MATR3: variants seen among roughly 807,000 people sequenced by gnomAD.
MATR3 encodes the protein matrin-3.
Under a neutral mutation model 85.5 loss-of-function variants are expected in MATR3, and 4 were observed. The observed-to-expected ratio is 0.05, with a 90% CI of 0.02 to 0.11. The LOEUF (loss-of-function observed/expected upper bound fraction) is 0.11. Ranked by LOEUF, MATR3 falls within the 10% of genes least tolerant of loss-of-function variation. The pLI, the probability that MATR3 is intolerant of heterozygous loss-of-function variation, is 1.00. For missense variants in MATR3, 685 were observed against 1,016.1 expected (o/e 0.67, Z 4.43); for synonymous variants, 336 against 343.1 (o/e 0.98, Z 0.23).
At chr5:139,309,751 A>G (rs914503568) in intron 2 of MATR3, among the ~76,000 whole-genome samples, 2 of 152,128 alleles carry the variant, frequency 1.3e-5, no homozygotes, top group Non-Finnish European at 2.9e-5. Flanking sequence ...TAAATATATC[A>G]TGGAATTCAT....
chr5:139,288,264 T>C (rs1753769608), intron 3 of MATR3, among the ~76,000 whole-genome samples: 1 of 151,908 alleles, frequency 6.6e-6, no homozygotes, highest in African/African-American at 2.4e-5. Flanking sequence ...TTTGTGTCTT[T>C]TTGCTGATAA....
At chr5:139,306,363 T>A (rs79195651) in intron 1 of MATR3, among the ~76,000 whole-genome samples, 2,723 of 152,304 alleles carry the variant, frequency 0.018, 79 homozygotes, top group African/African-American at 0.061. Context: ...GATCTCATTT[T>A]CATTTTTACC....
chr5:139,311,806 G>C (rs1283267925), intron 2 of MATR3: 3 of 111,074 alleles, frequency 2.7e-5, no homozygotes, highest in Non-Finnish European at 5.0e-5. Context: ...CTCGCTCTGT[G>C]TCCCAGGCTG....
chr5:139,316,246 T>C, intron 5 of MATR3, 58 bp downstream of exon 5: 1 of 1,309,510 alleles, frequency 7.6e-7, no homozygotes, highest in Non-Finnish European at 1.1e-6. Flanking sequence ...AAAATTTTTC[T>C]TTTTATTTAT....
At chr5:139,275,105 A>AAC (rs1284292698) in intron 1 of MATR3, among the ~76,000 whole-genome samples, 1 of 148,926 alleles carries the variant, frequency 6.7e-6, no homozygotes, top group Non-Finnish European at 1.5e-5. Flanking sequence ...CATCCCGAGT[A>AAC]ACAGGGACTA....
chr5:139,327,276 T>C (rs1280167026), intron 14 of MATR3, among the ~76,000 whole-genome samples: 2 of 152,002 alleles, frequency 1.3e-5, no homozygotes, highest in African/African-American at 4.8e-5. Flanking sequence ...TTGGAAATAA[T>C]TCAAGTTCTT....
Position 139,330,338 on chromosome 5 carries a change from A to G in MATR3, c.*943A>G, listed in dbSNP as rs77010866. On this transcript the variant is annotated 3_prime_UTR_variant, in exon 15 of 15. Transcript: ENST00000394805. Reference sequence around the variant, plus strand: ...TGTGTTTACTTGTAACTTTCTGGTTATATACTGCTTATATCTGTGGATTCA... The same window carrying G: ...TGTGTTTACTTGTAACTTTCTGGTTGTATACTGCTTATATCTGTGGATTCA... 1.5e-5 allele frequency: 7 copies of G among 454,300 alleles called. No individual in the cohort carries two copies. The highest frequency in any genetic ancestry group is 2.4e-5 in the Admixed American group (1 of 42,524). 28.1% of individuals were successfully genotyped at this position (454,300 alleles called of 1,614,324 possible). A position where few individuals can be genotyped will look rare whatever the true frequency, so the allele number is the denominator to read the frequency against.
chr5:139,329,858 T>G lies in MATR3; in HGVS notation c.*463T>G, dbSNP rs552815510. ...TTTCATTTGGAGTTTGAACCCGTTTTGGTTGCATTTCATTTTTGGAGAACT... is the reference window on the plus strand; with the variant it reads ...TTTCATTTGGAGTTTGAACCCGTTTGGGTTGCATTTCATTTTTGGAGAACT... On this transcript the variant is annotated 3_prime_UTR_variant, in exon 15 of 15. Transcript: ENST00000394805. 3 of 454,594 alleles carry G rather than the reference T, an allele frequency of 6.6e-6. No individual in the cohort carries two copies. The East Asian group carries it at 2.1e-4, about 32-fold the overall frequency. 28.2% of individuals were successfully genotyped at this position (454,594 alleles called of 1,614,324 possible).
At chr5:139,329,119 C>T (rs1350533467) in intron 14 of MATR3, among the ~76,000 whole-genome samples, 2 of 152,108 alleles carry the variant, frequency 1.3e-5, no homozygotes, top group Admixed American at 6.6e-5. Context: ...TTAATTATAA[C>T]ATTTGAAATA....
chr5:139,303,593 G>A (rs975263840), intron 1 of MATR3, among the ~76,000 whole-genome samples: 2 of 152,140 alleles, frequency 1.3e-5, no homozygotes, highest in African/African-American at 4.8e-5. Flanking sequence ...AACTAGCCGA[G>A]CATGGTGGCA....
chr5:139,318,649 G>T (rs762142370), intron 7 of MATR3, among the ~76,000 whole-genome samples: 1 of 152,182 alleles, frequency 6.6e-6, no homozygotes, highest in Admixed American at 6.5e-5. Context: ...CACCATGTTG[G>T]TCGGCCAGGA....
rs1359297142 is a variant in MATR3, at chr5:139,330,905, C to T, written c.*1510C>T. The T allele has an allele frequency of 4.4e-6, 2 of 453,836 alleles. No homozygotes were observed. The highest frequency in any genetic ancestry group is 8.8e-6 in the Non-Finnish European group (2 of 226,738). The allele number at this position is 453,836 out of a possible 1,614,324, so 28.1% of individuals were successfully genotyped here. A position where few individuals can be genotyped will look rare whatever the true frequency, so the allele number is the denominator to read the frequency against. On this transcript the variant is annotated 3_prime_UTR_variant, in exon 15 of 15. Coordinates refer to ENST00000394805, the MANE Select transcript of MATR3 (RefSeq NM_018834.6). The stretch of plus-strand genomic sequence containing the variant: ...CTTTGGGCTCAAATGACCCTCCTAC[C>T]TCAGTCTCCTGAGTAGCTGGGACTA...
chr5:139,287,961 A>G (rs1753756497), intron 3 of MATR3, among the ~76,000 whole-genome samples: 1 of 152,156 alleles, frequency 6.6e-6, no homozygotes, highest in South Asian at 2.1e-4. Flanking sequence ...CTCTAATCCC[A>G]GTACTTTGGG....
At chr5:139,279,986 C>T (rs1203481881) in intron 3 of MATR3, 1 of 152,166 alleles carries the variant, frequency 6.6e-6, no homozygotes, top group African/African-American at 2.4e-5. Flanking sequence ...GAGAACATTT[C>T]CACCAATTCA....
Position 139,330,066 on chromosome 5 carries a change from C to T in MATR3, c.*671C>T, listed in dbSNP as rs1265725491. 4 of 454,274 alleles carry T rather than the reference C, an allele frequency of 8.8e-6. No homozygotes were observed. The highest frequency in any genetic ancestry group is 4.0e-5 in the African/African-American group (2 of 49,970). 28.1% of individuals were successfully genotyped at this position (454,274 alleles called of 1,614,324 possible). ...TTTCAGTGAAATGCAAAAATATTCC[C>T]GTTATCTTTGACCAGTATTAATTTT... On this transcript the variant is annotated 3_prime_UTR_variant, in exon 15 of 15. Transcript: ENST00000394805.
rs764920674 is a variant in MATR3 at position 139,330,540 on chromosome 5, T to C, written c.*1145T>C. ...TAGAGTGAATTCTAAAGACTGCCGC[T>C]AAAGATCTGAGTTTTAAAAATGTTG... is the stretch of plus-strand genomic sequence containing the variant. On this transcript the variant is annotated 3_prime_UTR_variant, in exon 15 of 15. Transcript: ENST00000394805. The C allele has an allele frequency of 2.2e-6, 1 of 454,124 alleles. No homozygotes were observed. The highest frequency in any genetic ancestry group is 1.6e-5 in the South Asian group (1 of 64,478). The allele number at this position is 454,124 out of a possible 1,614,324, so 28.1% of individuals were successfully genotyped here. A position where few individuals can be genotyped will look rare whatever the true frequency, so the allele number is the denominator to read the frequency against.
intron 9 of MATR3, among the ~76,000 whole-genome samples, chr5:139,320,743 C>CTTTTTTTTT (rs1175972721): frequency 9.8e-5 from 10 of 102,420 alleles, no homozygotes; most frequent in African/African-American, 2.9e-4. Context: ...AAGCTTATTA[C>CTTTTTTTTT]TTTTTTTTTT....
In MATR3 at chr5:139,330,860, C is replaced by G. The variant is rs569757757; in HGVS notation, c.*1465C>G. 2.8e-4 allele frequency: 126 copies of G among 453,822 alleles called. No individual in the cohort carries two copies. The highest frequency in any genetic ancestry group is 5.2e-4 in the Non-Finnish European group (118 of 226,750). The allele number at this position is 453,822 out of a possible 1,614,324, so 28.1% of individuals were successfully genotyped here. A position where few individuals can be genotyped will look rare whatever the true frequency, so the allele number is the denominator to read the frequency against. ...TCACCCAGACTGGAGTGCAGTGGCA[C>G]AGTTCTCTGCAACCTCAGCCTTTGG... On this transcript the variant is annotated 3_prime_UTR_variant, in exon 15 of 15. Transcript: ENST00000394805.
At chr5:139,297,923 A>G (rs1754240024) in intron 1 of MATR3, among the ~76,000 whole-genome samples, 1 of 149,510 alleles carries the variant, frequency 6.7e-6, no homozygotes, top group Non-Finnish European at 1.5e-5. Context: ...GTAGGAAAAC[A>G]AGAGGGGAGC....
Sources: allele counts gnomAD v4.1 joint callset (sites outside exome capture counted in the v4.1 genomes callset), GRCh38; gene constraint gnomAD v4.1.1; transcripts MANE v1.5; gene names NCBI Gene and HGNC (gene_info 2026-07-23, HGNC 2026-07-21).